The following PLCB4 variants were observed in gnomAD, a reference collection of about 807,000 sequenced individuals.
PLCB4 encodes the protein phospholipase C beta 4.
PLCB4 carries 77 observed loss-of-function variants against 178.8 expected under a neutral mutation model. The ratio of observed to expected loss-of-function variants is 0.43; its 90% CI spans 0.36 to 0.52. PLCB4 has a LOEUF of 0.52. Among genes scored for constraint, PLCB4 ranks in the 20% least tolerant of loss-of-function variants. The probability of loss-of-function intolerance (pLI) is 0.00; values close to 1 mark genes in which losing one functional copy is unlikely to be tolerated. For missense variants in PLCB4, 1,024 were observed against 1,453.4 expected (o/e 0.70, Z 4.80); for synonymous variants, 496 against 490.8 (o/e 1.01, Z -0.14).
intron 17 of PLCB4, 55 bp from the exon 18 acceptor site, chr20:9,393,533 G>A: frequency 8.3e-7 from 1 of 1,200,262 alleles, no homozygotes; most frequent in Non-Finnish European, 1.2e-6. Context: ...GGACTGGGAA[G>A]GAGAATGGAG....
intron 27 of PLCB4, 100 bp from the exon 28 acceptor site, chr20:9,423,648 G>A (rs555450936): frequency 1.2e-6 from 1 of 857,032 alleles, no homozygotes; most frequent in South Asian, 1.5e-5. Context: ...CAACATCAGG[G>A]AACATTTAAG....
intron 2 of PLCB4, among the ~76,000 whole-genome samples, chr20:9,135,721 G>A (rs576847520): frequency 6.6e-6 from 1 of 152,158 alleles, no homozygotes; most frequent in South Asian, 2.1e-4. Context: ...TAGCCATTTG[G>A]TTAATAAGTT....
chr20:9,428,482 A>AT (rs1360572187), intron 28 of PLCB4, among the ~76,000 whole-genome samples: 13 of 151,698 alleles, frequency 8.6e-5, no homozygotes, highest in Admixed American at 7.9e-4. Flanking sequence ...GGAGGGGGAG[A>AT]ACATGAGCAT....
chr20:9,219,107 T>C (rs910780241), intron 3 of PLCB4, among the ~76,000 whole-genome samples: 5 of 152,228 alleles, frequency 3.3e-5, no homozygotes, highest in African/African-American at 1.2e-4. Context: ...TCAGAAGTTT[T>C]GTTAAATATT....
Position 9,421,428 on chromosome 20 carries a change from A to T in PLCB4, c.2286A>T (p.Pro762=). The change falls in exon 27 of 40, where the codon CCA becomes CCT. Residue 762 remains proline (P), a synonymous_variant. Coordinates refer to ENST00000378473, the MANE Select transcript of PLCB4 (RefSeq NM_001377142.1). ...TGGTTATGAATAATGGACTCAATCC[A>T]GTTTACAATGAAGAGTCATTTGTAT... The part of the protein sequence containing the change: ...TRMVMNNGLN[P]VYNEESFVFR... 3 of 1,613,880 alleles carry T rather than the reference A, an allele frequency of 1.9e-6. No individual in the cohort carries two copies. The highest frequency in any genetic ancestry group is 2.5e-6 in the Non-Finnish European group (3 of 1,179,870).
In PLCB4 at chr20:9,415,974, A is replaced by G. The variant is rs544156538; in HGVS notation, c.2052-3833A>G. ...TCTCAGACCGCCTTGGACCCAGAACAGATGCTCCTTTGACCTTCAAAGAAA... is the reference window on the plus strand; with the variant it reads ...TCTCAGACCGCCTTGGACCCAGAACGGATGCTCCTTTGACCTTCAAAGAAA... On this transcript the variant is annotated intron_variant, in intron 25 of 39. Transcript: ENST00000378473. 9.2e-5 allele frequency among the ~76,000 whole-genome samples: 14 copies of G among 152,310 alleles called. No homozygotes were observed. In the East Asian group the frequency reaches 9.7e-4, roughly 11 times the overall value.
Position 9,131,104 on chromosome 20 carries a change from C to G in PLCB4, c.-79+34762C>G, listed in dbSNP as rs182966182. Reference sequence around the variant, plus strand: ...AATTCAAGGAGCAATAACTGACTTTCTACTCTGGGCCAGATCTGCTCTGTT... The same window carrying G: ...AATTCAAGGAGCAATAACTGACTTTGTACTCTGGGCCAGATCTGCTCTGTT... On this transcript the variant is annotated intron_variant, in intron 2 of 39. Coordinates refer to ENST00000378473, the MANE Select transcript of PLCB4 (RefSeq NM_001377142.1). 4.6e-4 allele frequency among the ~76,000 whole-genome samples: 70 copies of G among 152,152 alleles called. 1 individual carries two copies. The East Asian group carries it at 0.012, about 27-fold the overall frequency.
chr20:9,255,138 C>T (rs2094220265), intron 3 of PLCB4, among the ~76,000 whole-genome samples: 1 of 152,096 alleles, frequency 6.6e-6, no homozygotes, highest in Non-Finnish European at 1.5e-5. Flanking sequence ...TGTACCTTGC[C>T]CTGTTAATGG....
intron 7 of PLCB4, among the ~76,000 whole-genome samples, chr20:9,343,218 G>C (rs1326177723): frequency 6.6e-6 from 1 of 151,674 alleles, no homozygotes; most frequent in Non-Finnish European, 1.5e-5. Flanking sequence ...TAATTCCTAG[G>C]CTCTTATTAC....
chr20:9,094,852 T>C (rs2090837966), intron 1 of PLCB4, among the ~76,000 whole-genome samples: 3 of 152,242 alleles, frequency 2.0e-5, no homozygotes, highest in Non-Finnish European at 4.4e-5. Flanking sequence ...CCATCGTGGC[T>C]TTCTTAGCTA....
chr20:9,112,123 A>C lies in PLCB4; in HGVS notation c.-79+15781A>C, dbSNP rs1019365358. Among the ~76,000 whole-genome samples the C allele has an allele frequency of 3.3e-5, 5 of 152,296 alleles. No individual in the cohort carries two copies. In the East Asian group the frequency reaches 5.8e-4, roughly 18 times the overall value. The stretch of plus-strand genomic sequence containing the variant: ...AAATATCCTTAACTCTTAGCATTTC[A>C]TAACAACTGTGACCAATTTTTATTA... On this transcript the variant is annotated intron_variant, in intron 2 of 39. Coordinates refer to ENST00000378473, the MANE Select transcript of PLCB4 (RefSeq NM_001377142.1).
chr20:9,180,551 C>T (rs1353457677), intron 2 of PLCB4, among the ~76,000 whole-genome samples: 2 of 152,124 alleles, frequency 1.3e-5, no homozygotes, highest in Non-Finnish European at 2.9e-5. Flanking sequence ...GGTGTTACAA[C>T]CCTCAATTCC....
intron 3 of PLCB4, among the ~76,000 whole-genome samples, chr20:9,242,469 G>A (rs1437289857): frequency 1.3e-5 from 2 of 152,220 alleles, no homozygotes; most frequent in African/African-American, 4.8e-5. Flanking sequence ...GCCTCAGGGT[G>A]ATAATTCATG....
chr20:9,220,936 T>TC (rs1435336410), intron 3 of PLCB4, among the ~76,000 whole-genome samples: 4 of 152,202 alleles, frequency 2.6e-5, no homozygotes, highest in Non-Finnish European at 5.9e-5. Context: ...GAAGCTCTTA[T>TC]CCATGGTACA....
At chr20:9,424,565 T>C (rs1450934001) in intron 28 of PLCB4, among the ~76,000 whole-genome samples, 2 of 152,142 alleles carry the variant, frequency 1.3e-5, no homozygotes, top group Non-Finnish European at 2.9e-5. Flanking sequence ...TGTTGAACCA[T>C]AAGGAAATAG....
At chr20:9,121,886 G>T (rs1162329535) in intron 2 of PLCB4, among the ~76,000 whole-genome samples, 1 of 152,124 alleles carries the variant, frequency 6.6e-6, no homozygotes, top group East Asian at 1.9e-4. Flanking sequence ...TATAAAATTT[G>T]TGAATTATAG....
intron 3 of PLCB4, among the ~76,000 whole-genome samples, chr20:9,296,119 G>A (rs2094630732): frequency 6.6e-6 from 1 of 152,078 alleles, no homozygotes; most frequent in South Asian, 2.1e-4. Flanking sequence ...CTGACAAAGA[G>A]CTAATATCCA....
At chr20:9,108,007 A>G (rs2091432538) in intron 2 of PLCB4, among the ~76,000 whole-genome samples, 1 of 152,138 alleles carries the variant, frequency 6.6e-6, no homozygotes, top group African/African-American at 2.4e-5. Flanking sequence ...GAGGTGGTGA[A>G]GGGGATTCCA....
intron 2 of PLCB4, among the ~76,000 whole-genome samples, chr20:9,138,601 C>T (rs2092429392): frequency 6.6e-6 from 1 of 152,014 alleles, no homozygotes; most frequent in African/African-American, 2.4e-5. Flanking sequence ...ATAGAATTAC[C>T]TAAAATATGA....
Sources: gnomAD v4.1 joint callset for allele counts (sites outside exome capture counted in the v4.1 genomes callset) on GRCh38, gnomAD v4.1.1 for gene constraint, MANE v1.5 for transcripts, NCBI Gene and HGNC (gene_info 2026-07-23, HGNC 2026-07-21) for gene names.